The following TMEM63C variants were observed in gnomAD, a reference collection of about 807,000 sequenced individuals.
TMEM63C encodes the protein transmembrane protein 63C.
Under a neutral mutation model 99.2 loss-of-function variants are expected in TMEM63C, and 32 were observed. The observed-to-expected ratio is 0.32, with a 90% CI of 0.24 to 0.43. TMEM63C has a LOEUF of 0.43. TMEM63C is among the 20% of genes least tolerant of loss of function. The pLI, the probability that TMEM63C is intolerant of heterozygous loss-of-function variation, is 1.00. For synonymous variants in TMEM63C, 376 were observed against 397.9 expected (o/e 0.94, Z 0.66); for missense variants, 826 against 1,053.0 (o/e 0.78, Z 2.98).
intron 1 of TMEM63C, among the ~76,000 whole-genome samples, chr14:77,198,769 C>T (rs184665883): frequency 7.5e-4 from 114 of 152,262 alleles, no homozygotes; most frequent in Admixed American, 2.0e-3. Context: ...AGGGAAGCAG[C>T]GCAGCTCTGC....
At chr14:77,252,453 C>T (rs1210747154) in intron 22 of TMEM63C, among the ~76,000 whole-genome samples, 1 of 152,162 alleles carries the variant, frequency 6.6e-6, no homozygotes, top group Non-Finnish European at 1.5e-5. Context: ...CCTTTTAGAG[C>T]CATGCCAACA....
chr14:77,248,454 A>G lies in TMEM63C; in HGVS notation c.1709A>G (p.Tyr570Cys), dbSNP rs1162499687. The G allele has an allele frequency of 3.2e-6, 5 of 1,570,594 alleles. No homozygotes were observed. Among genetic ancestry groups the G allele is most frequent in the South Asian group, 2.3e-5 (2 of 85,718 alleles). ...ELLRLGSLFC[Y>C]STRLFFSRSE... ...CTGCGTCTGGGGTCACTCTTCTGCT[A>G]CAGCACCCGCCTCTTCTTCTCTAGA... is the stretch of plus-strand genomic sequence containing the variant. Residue 570 changes from tyrosine (Y) to cysteine (C), a missense_variant, in exon 19 of 24, where the codon TAC (tyrosine) becomes TGC (cysteine). Transcript: ENST00000298351.
intron 2 of TMEM63C, among the ~76,000 whole-genome samples, chr14:77,215,824 C>A (rs528246291): frequency 1.3e-5 from 2 of 152,142 alleles, no homozygotes; most frequent in Non-Finnish European, 2.9e-5. Flanking sequence ...GCAGTTCCCC[C>A]CTCCTCCTAC....
At chr14:77,207,494 T>C (rs910859136) in intron 1 of TMEM63C, among the ~76,000 whole-genome samples, 1 of 152,244 alleles carries the variant, frequency 6.6e-6, no homozygotes, top group Admixed American at 6.5e-5. Flanking sequence ...CCTCCTGGAA[T>C]TGGGCAAAGC....
intron 1 of TMEM63C, among the ~76,000 whole-genome samples, chr14:77,182,647 C>T (rs1310540369): frequency 1.3e-5 from 2 of 152,156 alleles, no homozygotes; most frequent in Non-Finnish European, 2.9e-5. Flanking sequence ...CCTCCCCCCA[C>T]CCCAGCACCC....
chr14:77,220,295 A>G (rs538591622), intron 5 of TMEM63C, among the ~76,000 whole-genome samples: 9 of 152,278 alleles, frequency 5.9e-5, no homozygotes, highest in African/African-American at 1.7e-4. Context: ...CATACCTACT[A>G]CTAGGGTGCC....
At chr14:77,193,302 A>G (rs1390976557) in intron 1 of TMEM63C, among the ~76,000 whole-genome samples, 1 of 152,226 alleles carries the variant, frequency 6.6e-6, no homozygotes, top group African/African-American at 2.4e-5. Flanking sequence ...AAACTGGTTC[A>G]CCCTCATTGG....
At chr14:77,240,953 T>C (rs1403121693) in intron 13 of TMEM63C, among the ~76,000 whole-genome samples, 6 of 129,420 alleles carry the variant, frequency 4.6e-5, no homozygotes, top group East Asian at 2.4e-4. Context: ...TTTTCTTTTT[T>C]TTTTTTTTTC....
At chr14:77,242,862 T>C in intron 14 of TMEM63C, 41 bp from the exon 15 acceptor site, 4 of 1,612,722 alleles carry the variant, frequency 2.5e-6, no homozygotes, top group Non-Finnish European at 3.4e-6. Context: ...CTCTAAGAAC[T>C]GATGTCTCTA....
intron 1 of TMEM63C, among the ~76,000 whole-genome samples, chr14:77,209,187 G>GA (rs1002259831): frequency 2.0e-5 from 3 of 152,124 alleles, no homozygotes; most frequent in African/African-American, 7.2e-5. Flanking sequence ...TGATCTTTAA[G>GA]AAAAAACTGA....
Position 77,243,074 on chromosome 14 carries a change from G to A in TMEM63C, c.1341+18G>A. On this transcript the variant is annotated intron_variant, in intron 15 of 23. Coordinates refer to ENST00000298351, the MANE Select transcript of TMEM63C (RefSeq NM_020431.4). ...AGCTGCAGGTGCCTCCTCTGCTCAG[G>A]CCAGGCCTGGGGACCCCAGGGAGAT... is the stretch of plus-strand genomic sequence containing the variant. The A allele has an allele frequency of 6.2e-7, 1 of 1,612,846 alleles. No individual in the cohort carries two copies.
intron 5 of TMEM63C, among the ~76,000 whole-genome samples, chr14:77,224,875 C>G (rs1888789455): frequency 6.6e-6 from 1 of 151,948 alleles, no homozygotes; most frequent in African/African-American, 2.4e-5. Flanking sequence ...GCTGTGTTGC[C>G]CAGGCTGGAC....
At chr14:77,252,307 A>AT (rs1889382188) in intron 22 of TMEM63C, among the ~76,000 whole-genome samples, 1 of 151,980 alleles carries the variant, frequency 6.6e-6, no homozygotes, top group Non-Finnish European at 1.5e-5. Flanking sequence ...GGGGATTGTC[A>AT]TTTTCTCTCC....
chr14:77,190,508 G>A (rs1228198952), intron 1 of TMEM63C, among the ~76,000 whole-genome samples: 1 of 152,134 alleles, frequency 6.6e-6, no homozygotes, highest in Non-Finnish European at 1.5e-5. Context: ...GAATAGTGGT[G>A]CAAAATTCAT....
chr14:77,210,278 G>A (rs749804693), intron 1 of TMEM63C, among the ~76,000 whole-genome samples: 9 of 152,078 alleles, frequency 5.9e-5, no homozygotes, highest in Admixed American at 3.9e-4. Context: ...CCCCCTCCCA[G>A]GCTAAGGAGT....
chr14:77,251,855 T>C lies in TMEM63C; in HGVS notation c.2105T>C (p.Val702Ala), dbSNP rs1290655884. The change falls in exon 22 of 24, where the codon GTT (valine) becomes GCT (alanine). Residue 702 changes from valine (V) to alanine (A), a missense_variant. By Grantham distance (64) the Val-to-Ala change is moderately conservative. Transcript: ENST00000298351. ...CTCATTGCCATGGTGATTGCCTTTG[T>C]TGGCATTTTTCTGGGGAAGCTTCGG... ...TLLIAMVIAF[V>A]GIFLGKLRMV... 6.2e-7 allele frequency: 1 copy of C among 1,613,922 alleles called. No homozygotes were observed. The highest frequency in any genetic ancestry group is 8.5e-7 in the Non-Finnish European group (1 of 1,179,904).
chr14:77,232,569 T>G (rs4899645), intron 7 of TMEM63C, among the ~76,000 whole-genome samples: 33,188 of 152,206 alleles, frequency 0.22, 4,382 homozygotes, highest in Admixed American at 0.3. Context: ...ATTACAGGCA[T>G]GAGCCACCGC....
chr14:77,229,183 C>G (rs1888890218), intron 6 of TMEM63C, among the ~76,000 whole-genome samples: 1 of 152,124 alleles, frequency 6.6e-6, no homozygotes, highest in South Asian at 2.1e-4. Flanking sequence ...GCGGGCAGAT[C>G]ATTTGAGATC....
intron 8 of TMEM63C, 110 bp downstream of exon 8, chr14:77,233,610 C>A: frequency 8.9e-7 from 1 of 1,119,588 alleles, no homozygotes; most frequent in East Asian, 2.6e-5. Context: ...ATAAGAAAGG[C>A]CTGGTTTCCC....
Sources: allele counts gnomAD v4.1 joint callset (sites outside exome capture counted in the v4.1 genomes callset), GRCh38; gene constraint gnomAD v4.1.1; transcripts MANE v1.5; gene names NCBI Gene and HGNC (gene_info 2026-07-23, HGNC 2026-07-21).